The following SGMS1 variants were observed in gnomAD, a reference collection of about 807,000 sequenced individuals.
The protein encoded by SGMS1 is sphingomyelin synthase 1.
SGMS1 carries 13 observed loss-of-function variants against 46.2 expected under a neutral mutation model. That is an observed-to-expected ratio of 0.28 (90% confidence interval 0.18 to 0.45). The LOEUF (loss-of-function observed/expected upper bound fraction) is 0.45, where lower values mean the gene tolerates loss of function less well. Among genes scored for constraint, SGMS1 ranks in the 20% least tolerant of loss-of-function variants. The probability of loss-of-function intolerance (pLI) is 1.00; values close to 1 mark genes in which losing one functional copy is unlikely to be tolerated. For synonymous variants in SGMS1, 203 were observed against 187.8 expected (o/e 1.08, Z -0.66); for missense variants, 324 against 519.9 (o/e 0.62, Z 3.66).
chr10:50,552,951 C>A (rs777142802), intron 2 of SGMS1, among the ~76,000 whole-genome samples: 3 of 152,160 alleles, frequency 2.0e-5, no homozygotes, highest in Non-Finnish European at 4.4e-5. Context: ...CTGACAGGCA[C>A]CATAAACTGG....
intron 2 of SGMS1, among the ~76,000 whole-genome samples, chr10:50,577,473 G>A (rs74400358): frequency 0.021 from 3,197 of 152,242 alleles, 124 homozygotes; most frequent in African/African-American, 0.073. Context: ...CTTTCCTAAC[G>A]TGCAAGAATT....
intron 6 of SGMS1, among the ~76,000 whole-genome samples, chr10:50,428,004 CATGTGTGTGT>C (rs1257730088): frequency 2.0e-5 from 3 of 151,180 alleles, no homozygotes; most frequent in Admixed American, 6.6e-5. Flanking sequence ...TGTGTGTGTG[CATGTGTGTGT>C]ATGTGTGTGT....
At chr10:50,445,619 CCT>C (rs2133647041) in intron 5 of SGMS1, among the ~76,000 whole-genome samples, 1 of 152,312 alleles carries the variant, frequency 6.6e-6, no homozygotes, top group African/African-American at 2.4e-5. Context: ...ATTTCCTACG[CCT>C]GTCTTTACTT....
In SGMS1 at chr10:50,343,381, A is replaced by G. The variant is rs576168920; in HGVS notation, c.623+111T>C. On this transcript the variant is annotated intron_variant, in intron 7 of 10. Transcript: ENST00000361781. Reference sequence around the variant, plus strand: ...GTATGTGTTTAAAAAAGAAAAAAAAATAGTATGTTTTGATCCCAACAAGTT... The same window carrying G: ...GTATGTGTTTAAAAAAGAAAAAAAAGTAGTATGTTTTGATCCCAACAAGTT... 2.4e-6 allele frequency: 3 copies of G among 1,240,676 alleles called. No individual in the cohort carries two copies. In the African/African-American group the frequency reaches 4.5e-5, roughly 19 times the overall value. 76.9% of individuals were successfully genotyped at this position (1,240,676 alleles called of 1,614,324 possible).
intron 6 of SGMS1, among the ~76,000 whole-genome samples, chr10:50,414,745 G>A (rs1439729191): frequency 1.3e-5 from 2 of 152,096 alleles, no homozygotes; most frequent in African/African-American, 4.8e-5. Flanking sequence ...AAAGAACGAC[G>A]CAATTATCAT....
chr10:50,460,906 C>G (rs1486782142), intron 4 of SGMS1, 92 bp from the exon 5 acceptor site: 1 of 152,134 alleles, frequency 6.6e-6, no homozygotes, highest in Non-Finnish European at 1.5e-5. Context: ...CAGTCCAGCT[C>G]ACTATAAATA....
intron 5 of SGMS1, 118 bp from the exon 6 acceptor site, chr10:50,433,674 C>CT (rs893370769): frequency 6.6e-6 from 1 of 152,224 alleles, no homozygotes; most frequent in African/African-American, 2.4e-5. Flanking sequence ...CATCTCTTCT[C>CT]TTTTTTACCA....
intron 2 of SGMS1, among the ~76,000 whole-genome samples, chr10:50,581,438 G>C (rs1838433432): frequency 6.6e-6 from 1 of 152,204 alleles, no homozygotes; most frequent in African/African-American, 2.4e-5. Context: ...ATAACTCAGA[G>C]TGGTGCCTAT....
chr10:50,393,790 C>A (rs777964505), intron 6 of SGMS1, among the ~76,000 whole-genome samples: 15 of 152,160 alleles, frequency 9.9e-5, no homozygotes, highest in Non-Finnish European at 2.2e-4. Flanking sequence ...ATAGTAAAAA[C>A]AACCAAGATT....
upstream of SGMS1, chr10:50,624,098 C>G (rs1241855019): frequency 2.0e-6 from 2 of 985,088 alleles, no homozygotes; most frequent in African/African-American, 1.7e-5. Flanking sequence ...CCGAGCGGGA[C>G]CCCGAACCAA....
At chr10:50,612,362 G>T (rs937197331) in intron 1 of SGMS1, among the ~76,000 whole-genome samples, 23 of 152,240 alleles carry the variant, frequency 1.5e-4, no homozygotes, top group Non-Finnish European at 2.9e-4. Flanking sequence ...CCTGGGAAAT[G>T]CAAACAGCTT....
rs1564922600 is a variant in SGMS1 at position 50,469,510 on chromosome 10, G to GAGTA, written c.-497-2582_-497-2579dup. 3.3e-5 allele frequency among the ~76,000 whole-genome samples: 5 copies of GAGTA among 152,166 alleles called. No individual in the cohort carries two copies. The South Asian group carries it at 1.0e-3, about 32-fold the overall frequency. ...CAAAAAGTTCTTTCTGGGACTCTAT[G>GAGTA]AGTAAGCAAGTTAACAATGCATGCC... On this transcript the variant is annotated intron_variant, in intron 3 of 10. Transcript: ENST00000361781.
intron 6 of SGMS1, among the ~76,000 whole-genome samples, chr10:50,389,055 A>C (rs1367240114): frequency 1.3e-5 from 2 of 152,218 alleles, no homozygotes; most frequent in Admixed American, 1.3e-4. Context: ...TCACTATAGT[A>C]ATTGTTTTAC....
chr10:50,334,124 T>A, intron 7 of SGMS1, among the ~76,000 whole-genome samples: 1 of 152,174 alleles, frequency 6.6e-6, no homozygotes, highest in Non-Finnish European at 1.5e-5. Flanking sequence ...ATACAGGTTG[T>A]AACAGGAAGT....
intron 2 of SGMS1, among the ~76,000 whole-genome samples, chr10:50,520,971 T>C (rs1037993643): frequency 2.0e-5 from 3 of 151,984 alleles, no homozygotes; most frequent in African/African-American, 7.2e-5. Flanking sequence ...CTGCAGCCCA[T>C]GGGCTGAAGC....
chr10:50,311,522 T>G lies in SGMS1; in HGVS notation c.742-107A>C, dbSNP rs58601331. The G allele has an allele frequency of 3.9e-5, 34 of 879,164 alleles. No individual in the cohort carries two copies. The African/African-American group carries it at 6.6e-4, about 17-fold the overall frequency. 54.5% of individuals were successfully genotyped at this position (879,164 alleles called of 1,614,324 possible). ...AGAATTAAGCTTATATTAAGAAACA[T>G]AAAATCCCCACCAGGAAGTTTGCCC... is the stretch of plus-strand genomic sequence containing the variant. On this transcript the variant is annotated intron_variant, in intron 8 of 10. Transcript: ENST00000361781.
intron 7 of SGMS1, 39 bp from the exon 8 acceptor site, chr10:50,327,361 A>G: frequency 8.4e-7 from 1 of 1,186,952 alleles, no homozygotes; most frequent in Non-Finnish European, 1.3e-6. Context: ...CTCAGTCAAG[A>G]AATTCTGTAG....
At chr10:50,457,705 G>C (rs1368334736) in intron 5 of SGMS1, among the ~76,000 whole-genome samples, 1 of 152,076 alleles carries the variant, frequency 6.6e-6, no homozygotes, top group Non-Finnish European at 1.5e-5. Flanking sequence ...TTAAAATAAT[G>C]GTCTCCAGGT....
chr10:50,333,978 T>A (rs1847670286), intron 7 of SGMS1, among the ~76,000 whole-genome samples: 1 of 152,202 alleles, frequency 6.6e-6, no homozygotes, highest in Non-Finnish European at 1.5e-5. Flanking sequence ...AAGGGGAAAT[T>A]GTATGAGGAA....
Sources: allele counts gnomAD v4.1 joint callset (sites outside exome capture counted in the v4.1 genomes callset), GRCh38; gene constraint gnomAD v4.1.1; transcripts MANE v1.5; gene names NCBI Gene and HGNC (gene_info 2026-07-23, HGNC 2026-07-21).